The following IGSF9B variants were observed in gnomAD, a reference collection of about 807,000 sequenced individuals.
IGSF9B encodes protein turtle homolog B.
In IGSF9B, 48 loss-of-function variants were observed where a neutral mutation model predicts 143.7. The observed-to-expected ratio is 0.33, with a 90% CI of 0.26 to 0.42. The LOEUF (loss-of-function observed/expected upper bound fraction) is 0.42. Ranked by LOEUF, IGSF9B falls within the 20% of genes least tolerant of loss-of-function variation. The probability of loss-of-function intolerance (pLI) is 1.00; values close to 1 mark genes in which losing one functional copy is unlikely to be tolerated. For missense variants in IGSF9B, 1,706 were observed against 1,980.0 expected (o/e 0.86, Z 2.63); for synonymous variants, 903 against 833.1 (o/e 1.08, Z -1.44).
intron 12 of IGSF9B, among the ~76,000 whole-genome samples, chr11:133,927,704 G>A (rs59918029): frequency 0.062 from 9,480 of 152,252 alleles, 960 homozygotes; most frequent in African/African-American, 0.21. Flanking sequence ...AAGACGGGCC[G>A]AGGGTGTTCC....
intron 18 of IGSF9B, among the ~76,000 whole-genome samples, chr11:133,917,103 A>AG (rs34777079): frequency 3.9e-5 from 6 of 152,064 alleles, no homozygotes; most frequent in Admixed American, 2.6e-4. Flanking sequence ...TGACATCTCT[A>AG]GGGGGGGAAG....
In IGSF9B at chr11:133,896,957, GGCCCAGCA is replaced by G. The variant is rs1013086094; in HGVS notation, c.*12104_*12111del. 6.6e-6 allele frequency: 1 copy of G among 152,518 alleles called. No individual in the cohort carries two copies. Among genetic ancestry groups the G allele is most frequent in the African/African-American group, 2.4e-5 (1 of 41,462 alleles). The allele number at this position is 152,518 out of a possible 1,614,324, so 9.4% of individuals were successfully genotyped here. On this transcript the variant is annotated 3_prime_UTR_variant, in exon 20 of 20. Transcript: ENST00000533871. ...AGGGGCAGGGCAGTCTATAGGCCCAGGCCCAGCAGCAGGATGCCCAGGGTCCCTGCAGG... is the reference window on the plus strand; with the variant it reads ...AGGGGCAGGGCAGTCTATAGGCCCAGGCAGGATGCCCAGGGTCCCTGCAGG...
At chr11:133,921,544 C>G in intron 17 of IGSF9B, 147 bp from the exon 18 acceptor site, 1 of 594,316 alleles carries the variant, frequency 1.7e-6, no homozygotes, top group South Asian at 2.9e-5. Flanking sequence ...AATGCTTTGG[C>G]CAACTCTCCA....
chr11:133,930,953 GCC>G, intron 11 of IGSF9B, 29 bp downstream of exon 11: 2 of 1,579,480 alleles, frequency 1.3e-6, no homozygotes, highest in South Asian at 2.4e-5. Context: ...CTCTGTCCCC[GCC>G]GCCCGGCCCA....
In IGSF9B at chr11:133,901,770, T is replaced by C. The variant is rs1939124286; in HGVS notation, c.*7299A>G. On this transcript the variant is annotated 3_prime_UTR_variant, in exon 20 of 20. Coordinates refer to ENST00000533871, the MANE Select transcript of IGSF9B (RefSeq NM_001277285.4). ...CTGACACTACGCAGGCAAATCAGCA[T>C]GTCTGTACAAATCTCTCTCACACAC... Among the ~76,000 whole-genome samples the C allele has an allele frequency of 6.6e-6, 1 of 151,730 alleles. No homozygotes were observed. Among genetic ancestry groups the C allele is most frequent in the African/African-American group, 2.4e-5 (1 of 41,290 alleles).
chr11:133,910,716 T>C (rs1029585572), intron 19 of IGSF9B, among the ~76,000 whole-genome samples: 1 of 152,162 alleles, frequency 6.6e-6, no homozygotes, highest in African/African-American at 2.4e-5. Context: ...ATTTGGAAGA[T>C]GCCACCACAG....
intron 18 of IGSF9B, 96 bp from the exon 19 acceptor site, chr11:133,912,103 G>A (rs1939310511): frequency 1.4e-6 from 2 of 1,410,736 alleles, no homozygotes; most frequent in Non-Finnish European, 1.9e-6. Flanking sequence ...ACCCACAGAA[G>A]GACAGAGTTC....
At position 133,919,846 on chromosome 11, in the gene IGSF9B, C is replaced by T; in HGVS notation, c.3879G>A (p.Gly1293=). Residue 1293 remains glycine, a synonymous_variant, in exon 18 of 20, where the codon GGG becomes GGA. Coordinates refer to ENST00000533871, the MANE Select transcript of IGSF9B (RefSeq NM_001277285.4). ...CAAACACGTCCAAGCTGTCCCCAGGCCCAGCAGGGGCGGGGCCGGGTGGAG... is the reference window on the plus strand; with the variant it reads ...CAAACACGTCCAAGCTGTCCCCAGGTCCAGCAGGGGCGGGGCCGGGTGGAG... ...PSPPPGPAPA[G]PGDSLDVFGQ... is the part of the protein sequence containing the mutation. 6.3e-7 allele frequency: 1 copy of T among 1,582,652 alleles called. No homozygotes were observed. Among genetic ancestry groups the T allele is most frequent in the Non-Finnish European group, 8.6e-7 (1 of 1,164,182 alleles).
At chr11:133,921,502 C>T (rs975438278) in intron 17 of IGSF9B, 105 bp from the exon 18 acceptor site, 12 of 814,126 alleles carry the variant, frequency 1.5e-5, no homozygotes, top group Non-Finnish European at 1.7e-5. Context: ...GATCCTCACG[C>T]TCAAGAAAAC....
chr11:133,943,355 A>G (rs978681008), intron 3 of IGSF9B, among the ~76,000 whole-genome samples: 1 of 152,146 alleles, frequency 6.6e-6, no homozygotes, highest in Admixed American at 6.5e-5. Flanking sequence ...GACGGGGACC[A>G]CTTCTCCTTC....
At chr11:133,935,200 A>G (rs964701441) in intron 7 of IGSF9B, among the ~76,000 whole-genome samples, 1 of 152,222 alleles carries the variant, frequency 6.6e-6, no homozygotes, top group South Asian at 2.1e-4. Context: ...GGCAGGGAGT[A>G]AGGCTGGGAG....
chr11:133,916,614 C>T (rs909149340), intron 18 of IGSF9B, among the ~76,000 whole-genome samples: 3 of 152,184 alleles, frequency 2.0e-5, no homozygotes, highest in African/African-American at 4.8e-5. Context: ...TCATCGCTGC[C>T]CCTGGTTTCT....
rs1939211048 is a variant in IGSF9B, at chr11:133,906,407, G to C, written c.*2662C>G. On this transcript the variant is annotated 3_prime_UTR_variant, in exon 20 of 20. Coordinates refer to ENST00000533871, the MANE Select transcript of IGSF9B (RefSeq NM_001277285.4). The stretch of plus-strand genomic sequence containing the variant: ...ACAGGAGGAAGCCCTCAGGGGAGCT[G>C]AATGAGTGGCAGGCCACTGAGAGAT... Among the ~76,000 whole-genome samples the C allele has an allele frequency of 6.6e-6, 1 of 152,236 alleles. No individual in the cohort carries two copies. The highest frequency in any genetic ancestry group is 1.5e-5 in the Non-Finnish European group (1 of 68,052).
Position 133,930,992 on chromosome 11 carries a change from G to A in IGSF9B, c.1511C>T (p.Thr504Ile). The A allele has an allele frequency of 6.2e-7, 1 of 1,611,342 alleles. No individual in the cohort carries two copies. Among genetic ancestry groups the A allele is most frequent in the African/African-American group, 1.3e-5 (1 of 75,030 alleles). The change falls in exon 11 of 20, where the codon ACC becomes ATC. Residue 504 changes from threonine (T) to isoleucine (I), a missense_variant. Physicochemically the swap from Thr to Ile is moderately conservative, Grantham distance 89. Transcript: ENST00000533871. ...VTSITASTHL[T>I]VIGTSPHAPG... is the part of the protein sequence containing the mutation. ...CCTTGCCGGCCACGTACCGATGACGGTGAGGTGGGTGCTGGCAGTGATGCT... is the reference window on the plus strand; with the variant it reads ...CCTTGCCGGCCACGTACCGATGACGATGAGGTGGGTGCTGGCAGTGATGCT...
chr11:133,935,786 G>A (rs780675763), intron 6 of IGSF9B, 24 bp from the exon 7 acceptor site: 10 of 1,606,314 alleles, frequency 6.2e-6, no homozygotes, highest in Non-Finnish European at 8.5e-6. Flanking sequence ...TGGGGACAGG[G>A]GGTTGGGCGA....
chr11:133,925,981 GAGA>G lies in IGSF9B; in HGVS notation c.1808-19_1808-17del. 6.4e-7 allele frequency: 1 copy of G among 1,551,390 alleles called. No homozygotes were observed. Among genetic ancestry groups the G allele is most frequent in the Non-Finnish European group, 8.8e-7 (1 of 1,140,198 alleles). The stretch of plus-strand genomic sequence containing the variant: ...ATAGGGAATGCTGCGGCGGGGGAAG[GAGA>G]AGAACCACAGCGCATCAGCGAGGCC... On this transcript the variant is annotated splice_polypyrimidine_tract_variant and intron_variant, in intron 13 of 19. Transcript: ENST00000533871.
Position 133,937,804 on chromosome 11 carries a change from A to G in IGSF9B, c.561+6T>C. The G allele has an allele frequency of 6.2e-7, 1 of 1,608,676 alleles. No homozygotes were observed. The highest frequency in any genetic ancestry group is 8.5e-7 in the Non-Finnish European group (1 of 1,177,406). ...CGCAGCGGCCCCAACCTAGAACCAC[A>G]CTCACCTGGTATTTCCCACTAGCAC... On this transcript the variant is annotated splice_donor_region_variant and intron_variant, in intron 4 of 19. Transcript: ENST00000533871.
rs539466066 is a variant in IGSF9B, at chr11:133,908,154, G to A, written c.*915C>T. On this transcript the variant is annotated 3_prime_UTR_variant, in exon 20 of 20. Coordinates refer to ENST00000533871, the MANE Select transcript of IGSF9B (RefSeq NM_001277285.4). ...GCGGAAGGGCGCCGACGGATGCGCT[G>A]GACATGTGCACCAGAGGCTTGCTTT... Among the ~76,000 whole-genome samples the A allele has an allele frequency of 1.3e-5, 2 of 152,300 alleles. No individual in the cohort carries two copies. The highest frequency in any genetic ancestry group is 4.2e-4 in the South Asian group (2 of 4,816).
At chr11:133,932,044 A>C (rs755656284) in intron 8 of IGSF9B, 27 bp downstream of exon 8, 1 of 1,596,084 alleles carries the variant, frequency 6.3e-7, no homozygotes, top group South Asian at 1.1e-5. Context: ...CCCTCACTCC[A>C]ACCCTCAACA....
Sources: allele counts gnomAD v4.1 joint callset (sites outside exome capture counted in the v4.1 genomes callset), GRCh38; gene constraint gnomAD v4.1.1; transcripts MANE v1.5; gene names NCBI Gene and HGNC (gene_info 2026-07-23, HGNC 2026-07-21).